The following SLC25A26 variants were observed in gnomAD, a reference collection of about 807,000 sequenced individuals.
SLC25A26 encodes solute carrier family 25 member 26.
A neutral mutation model predicts 37.8 loss-of-function variants in SLC25A26; 36 were observed. The observed-to-expected ratio is 0.95, with a 90% confidence interval of 0.73 to 1.26. The LOEUF is 1.26. Among genes scored for constraint, SLC25A26 ranks in the 50% most tolerant of loss-of-function variants. The pLI, the probability that SLC25A26 is intolerant of heterozygous loss-of-function variation, is 0.00. For synonymous variants in SLC25A26, 129 were observed against 122.5 expected (o/e 1.05, Z -0.35); for missense variants, 390 against 331.1 (o/e 1.18, Z -1.38).
intron 1 of SLC25A26, among the ~76,000 whole-genome samples, chr3:66,150,547 A>AAT (rs1242589987): frequency 2.3e-5 from 3 of 127,846 alleles, no homozygotes; most frequent in Admixed American, 1.7e-4. Context: ...ATATATATAA[A>AAT]ATATATATAA....
intron 1 of SLC25A26, among the ~76,000 whole-genome samples, chr3:66,147,106 C>T (rs1322266646): frequency 1.7e-5 from 1 of 58,556 alleles, no homozygotes; most frequent in Non-Finnish European, 3.5e-5. Context: ...CCCCTCCCCT[C>T]CCCTCCCCTC....
At chr3:66,268,678 C>G (rs747891511) in intron 5 of SLC25A26, among the ~76,000 whole-genome samples, 1 of 152,140 alleles carries the variant, frequency 6.6e-6, no homozygotes, top group African/African-American at 2.4e-5. Flanking sequence ...GTGAAGGACA[C>G]CTGATATGGT....
In SLC25A26 at chr3:66,173,913, C is replaced by T. The variant is rs533257162; in HGVS notation, c.-354+39929C>T. On this transcript the variant is annotated intron_variant, in intron 1 of 10. Transcript: ENST00000676754. ...TAAAAACACAAAAAAATTAGCTGGGCGTGGTGGCGCATGCCTGTAATCCCA... is the reference window on the plus strand; with the variant it reads ...TAAAAACACAAAAAAATTAGCTGGGTGTGGTGGCGCATGCCTGTAATCCCA... Among the ~76,000 whole-genome samples, 6 of 152,128 alleles carry T rather than the reference C, an allele frequency of 3.9e-5. No homozygotes were observed. In the East Asian group the frequency reaches 1.2e-3, roughly 29 times the overall value.
chr3:66,204,441 A>AAAAAAAAAAAG (rs2071150607), intron 1 of SLC25A26, among the ~76,000 whole-genome samples: 17 of 89,378 alleles, frequency 1.9e-4, no homozygotes, highest in South Asian at 5.7e-4. Context: ...AAAAAAAAAG[A>AAAAAAAAAAAG]AAAAAAGAAA....
At chr3:66,291,716 C>A (rs2074715714) in intron 5 of SLC25A26, among the ~76,000 whole-genome samples, 1 of 152,104 alleles carries the variant, frequency 6.6e-6, no homozygotes, top group Non-Finnish European at 1.5e-5. Flanking sequence ...TGTTTTACTT[C>A]CAATTATGTG....
At chr3:66,295,098 G>A (rs1331228802) in intron 5 of SLC25A26, among the ~76,000 whole-genome samples, 1 of 152,110 alleles carries the variant, frequency 6.6e-6, no homozygotes, top group Non-Finnish European at 1.5e-5. Flanking sequence ...CCCCAAAACA[G>A]TTTACAACCT....
chr3:66,304,621 T>C (rs2075166061), intron 5 of SLC25A26: 2 of 338,476 alleles, frequency 5.9e-6, no homozygotes, highest in Non-Finnish European at 1.2e-5. Flanking sequence ...CAGGAAACCA[T>C]CGAGGTGTCA....
At chr3:66,266,122 G>T (rs575314134) in intron 5 of SLC25A26, among the ~76,000 whole-genome samples, 2 of 151,964 alleles carry the variant, frequency 1.3e-5, no homozygotes, top group Admixed American at 1.3e-4. Flanking sequence ...AAATGGCAGC[G>T]TTTTGTTGGA....
rs71105981 is a variant in SLC25A26 at position 66,319,744 on chromosome 3, CTTTTT to C, written c.454-26598_454-26594del. Among the ~76,000 whole-genome samples, 21 of 92,098 alleles carry C rather than the reference CTTTTT, an allele frequency of 2.3e-4. No homozygotes were observed. In the East Asian group the frequency reaches 4.9e-3, roughly 22 times the overall value. 60.4% of individuals were successfully genotyped at this position (92,098 alleles called of 152,430 possible). A position where few individuals can be genotyped will look rare whatever the true frequency, so the allele number is the denominator to read the frequency against. On this transcript the variant is annotated intron_variant, in intron 5 of 9. Coordinates refer to ENST00000354883, the MANE Select transcript of SLC25A26 (RefSeq NM_001379210.1). Reference sequence around the variant, plus strand: ...CAAAGTACTGTGACAGCAATTAAATCTTTTTTTTTTTTTTTTTTTTTTTTTTGAGA... The same window carrying C: ...CAAAGTACTGTGACAGCAATTAAATCTTTTTTTTTTTTTTTTTTTTTGAGA...
chr3:66,221,342 G>C (rs983279272), intron 1 of SLC25A26, among the ~76,000 whole-genome samples: 25 of 152,340 alleles, frequency 1.6e-4, no homozygotes, highest in African/African-American at 4.3e-4. Flanking sequence ...AGAGCCAGGT[G>C]GGGGAAGGAA....
chr3:66,330,281 T>C (rs1369780577), intron 5 of SLC25A26, among the ~76,000 whole-genome samples: 1 of 152,164 alleles, frequency 6.6e-6, no homozygotes, highest in Non-Finnish European at 1.5e-5. Flanking sequence ...AGTTTGGACA[T>C]GTTTAGTTTA....
intron 5 of SLC25A26, among the ~76,000 whole-genome samples, chr3:66,302,348 A>T (rs1487080413): frequency 6.6e-6 from 1 of 152,192 alleles, no homozygotes; most frequent in Non-Finnish European, 1.5e-5. Flanking sequence ...TTCTTGGACA[A>T]TCTGGGTATC....
chr3:66,150,852 C>T (rs2070197644), intron 1 of SLC25A26, among the ~76,000 whole-genome samples: 1 of 151,034 alleles, frequency 6.6e-6, no homozygotes, highest in Non-Finnish European at 1.5e-5. Flanking sequence ...TTTGATAGAC[C>T]CTCTGTTTTA....
At chr3:66,149,441 A>G (rs1200571541) in intron 1 of SLC25A26, among the ~76,000 whole-genome samples, 1 of 152,208 alleles carries the variant, frequency 6.6e-6, no homozygotes, top group Non-Finnish European at 1.5e-5. Flanking sequence ...ATGTGCCAAC[A>G]AATTTTCTTT....
intron 5 of SLC25A26, among the ~76,000 whole-genome samples, chr3:66,332,875 G>A (rs567827561): frequency 1.3e-5 from 2 of 152,248 alleles, no homozygotes; most frequent in South Asian, 4.2e-4. Flanking sequence ...CTCAATCAGA[G>A]ATCTTTTTCA....
chr3:66,285,267 A>C (rs1436615040), intron 5 of SLC25A26, among the ~76,000 whole-genome samples: 1 of 151,980 alleles, frequency 6.6e-6, no homozygotes, highest in African/African-American at 2.4e-5. Flanking sequence ...AAACATTATT[A>C]TTATTTTTTT....
chr3:66,141,963 T>C (rs1048684683), intron 1 of SLC25A26, among the ~76,000 whole-genome samples: 10 of 152,266 alleles, frequency 6.6e-5, no homozygotes, highest in African/African-American at 2.4e-4. Flanking sequence ...ATTTATTTAT[T>C]TTCACTTTCC....
intron 6 of SLC25A26, among the ~76,000 whole-genome samples, chr3:66,352,871 T>C (rs952569731): frequency 1.3e-5 from 2 of 152,154 alleles, no homozygotes; most frequent in African/African-American, 4.8e-5. Flanking sequence ...GGTCTACCCC[T>C]CTCCAAAGTA....
intron 5 of SLC25A26, among the ~76,000 whole-genome samples, chr3:66,265,598 A>G (rs139843727): frequency 6.6e-6 from 1 of 152,316 alleles, no homozygotes; most frequent in African/African-American, 2.4e-5. Context: ...GAAATCCCAA[A>G]TTTTATTCTC....
Sources: gnomAD v4.1 joint callset for allele counts (sites outside exome capture counted in the v4.1 genomes callset) on GRCh38, gnomAD v4.1.1 for gene constraint, MANE v1.5 for transcripts, NCBI Gene and HGNC (gene_info 2026-07-23, HGNC 2026-07-21) for gene names.